ART3: variants seen among roughly 807,000 people sequenced by gnomAD.
ART3 encodes the protein ADP-ribosyltransferase 3 (inactive), also known as ecto-ADP-ribosyltransferase 3.
ART3 carries 49 observed loss-of-function variants against 48.5 expected under a neutral mutation model. The ratio of observed to expected loss-of-function variants is 1.01; its 90% CI spans 0.80 to 1.28. The LOEUF (loss-of-function observed/expected upper bound fraction) is 1.28, where lower values mean the gene tolerates loss of function less well. Ranked by LOEUF, ART3 falls within the 50% of genes most tolerant of loss-of-function variation. ART3 has a pLI of 0.00. For missense variants in ART3, 438 were observed against 454.3 expected (o/e 0.96, Z 0.33); for synonymous variants, 145 against 157.2 (o/e 0.92, Z 0.58).
chr4:76,094,054 G>A (rs766164491), intron 3 of ART3, among the ~76,000 whole-genome samples: 4 of 152,206 alleles, frequency 2.6e-5, no homozygotes, highest in Non-Finnish European at 5.9e-5. Flanking sequence ...GGAGACCATA[G>A]CTTTGTTCTT....
intron 3 of ART3, among the ~76,000 whole-genome samples, chr4:76,093,780 T>G (rs1337098866): frequency 6.6e-6 from 1 of 152,214 alleles, no homozygotes; most frequent in Non-Finnish European, 1.5e-5. Flanking sequence ...TGGTGTATTT[T>G]TCATCTCAGA....
intron 1 of ART3, chr4:76,022,911 C>T (rs2149375964): frequency 2.3e-6 from 3 of 1,284,970 alleles, no homozygotes; most frequent in South Asian, 2.9e-5. Context: ...CCTATATCCC[C>T]ATATCAGCAA....
At chr4:76,096,624 C>T (rs1726071355) in intron 3 of ART3, among the ~76,000 whole-genome samples, 1 of 152,222 alleles carries the variant, frequency 6.6e-6, no homozygotes, top group African/African-American at 2.4e-5. Context: ...TGTATACTGT[C>T]TCACTAACCT....
chr4:76,032,981 T>C (rs1734015189), intron 1 of ART3, among the ~76,000 whole-genome samples: 1 of 151,946 alleles, frequency 6.6e-6, no homozygotes, highest in Non-Finnish European at 1.5e-5. Flanking sequence ...ATTATAAATC[T>C]ATATTGTATC....
At chr4:76,093,577 C>T (rs1300776287) in intron 3 of ART3, among the ~76,000 whole-genome samples, 8 of 152,200 alleles carry the variant, frequency 5.3e-5, no homozygotes, top group African/African-American at 1.4e-4. Flanking sequence ...AATTGCCCCA[C>T]CTGAAGGCCA....
chr4:76,045,788 A>C (rs28868672), intron 1 of ART3, among the ~76,000 whole-genome samples: 1 of 151,368 alleles, frequency 6.6e-6, no homozygotes, highest in Non-Finnish European at 1.5e-5. Context: ...GGGCCTGGCT[A>C]TCTTGCTGTA....
chr4:76,036,866 GT>G, intron 1 of ART3: 1 of 230,110 alleles, frequency 4.3e-6, no homozygotes, highest in Non-Finnish European at 9.5e-6. Flanking sequence ...TTGAGGGCCT[GT>G]TTGACCTTGG....
chr4:76,023,431 T>C (rs769557687), intron 1 of ART3: 2 of 1,613,892 alleles, frequency 1.2e-6, no homozygotes, highest in Non-Finnish European at 8.5e-7. Context: ...GTTTGATTCA[T>C]GGTGCTGAGA....
At chr4:76,096,429 T>C (rs1403973094) in intron 3 of ART3, among the ~76,000 whole-genome samples, 2 of 152,168 alleles carry the variant, frequency 1.3e-5, no homozygotes, top group Admixed American at 6.5e-5. Context: ...GAAGTATATA[T>C]CTTTTTTAGG....
At chr4:76,110,948 TAGTA>T (rs57947366) in intron 11 of ART3, among the ~76,000 whole-genome samples, 19,938 of 148,842 alleles carry the variant, frequency 0.13, 1,513 homozygotes, top group East Asian at 0.34. Context: ...TGTAAAACGT[TAGTA>T]TTTATCCAAA....
intron 1 of ART3, among the ~76,000 whole-genome samples, chr4:76,030,689 G>A (rs1018372502): frequency 9.2e-5 from 14 of 152,046 alleles, no homozygotes; most frequent in Admixed American, 1.3e-4. Context: ...TGTTTTTATG[G>A]TTTTGCCTAC....
intron 1 of ART3, among the ~76,000 whole-genome samples, chr4:76,026,479 T>G (rs1025678124): frequency 6.6e-6 from 1 of 152,244 alleles, no homozygotes; most frequent in South Asian, 2.1e-4. Flanking sequence ...TTTCCATTTG[T>G]TCATCAGATT....
At chr4:76,101,965 A>G (rs1475944427) in intron 8 of ART3, among the ~76,000 whole-genome samples, 1 of 152,256 alleles carries the variant, frequency 6.6e-6, no homozygotes, top group African/African-American at 2.4e-5. Flanking sequence ...TTTGTGTACA[A>G]AAATGCCTAT....
chr4:76,076,004 G>A lies in ART3; in HGVS notation c.69+46G>A, dbSNP rs201201175. On this transcript the variant is annotated intron_variant, in intron 2 of 11. Transcript: ENST00000355810. The stretch of plus-strand genomic sequence containing the variant: ...CATGTGGTCATTGGAATGGAAATTC[G>A]TTTTTTTTTTTTTTTGAGACGGAGT... 154 of 1,195,194 alleles carry A rather than the reference G, an allele frequency of 1.3e-4. 1 individual carries two copies. Among genetic ancestry groups the A allele is most frequent in the South Asian group, 1.2e-3 (87 of 70,000 alleles). The allele number at this position is 1,195,194 out of a possible 1,614,324, so 74.0% of individuals were successfully genotyped here.
chr4:76,043,191 C>G (rs1380511345), intron 1 of ART3, among the ~76,000 whole-genome samples: 2 of 152,064 alleles, frequency 1.3e-5, no homozygotes, highest in Non-Finnish European at 2.9e-5. Context: ...CATAAAGGTT[C>G]TCCACGTCCC....
intron 1 of ART3, among the ~76,000 whole-genome samples, chr4:76,012,821 C>T (rs929708954): frequency 1.3e-5 from 2 of 152,082 alleles, no homozygotes; most frequent in African/African-American, 4.8e-5. Context: ...GAAAAATTAT[C>T]CTGAAAAGAA....
chr4:76,092,574 T>C (rs1227820776), intron 3 of ART3, among the ~76,000 whole-genome samples: 1 of 152,228 alleles, frequency 6.6e-6, no homozygotes, highest in East Asian at 1.9e-4. Flanking sequence ...GTGTTTATCA[T>C]ACTTATTTGG....
At chr4:76,060,004 G>A (rs192036494) in intron 1 of ART3, among the ~76,000 whole-genome samples, 33 of 152,290 alleles carry the variant, frequency 2.2e-4, no homozygotes, top group Non-Finnish European at 3.7e-4. Context: ...CAAATGGTAA[G>A]GGTGATTGTT....
At chr4:76,095,361 A>G (rs773060968) in intron 3 of ART3, among the ~76,000 whole-genome samples, 1 of 152,092 alleles carries the variant, frequency 6.6e-6, no homozygotes, top group African/African-American at 2.4e-5. Flanking sequence ...TACAAAAATT[A>G]GCTGGATGTG....
Sources: gnomAD v4.1 joint callset for allele counts (sites outside exome capture counted in the v4.1 genomes callset) on GRCh38, gnomAD v4.1.1 for gene constraint, MANE v1.5 for transcripts, NCBI Gene and HGNC (gene_info 2026-07-23, HGNC 2026-07-21) for gene names.